The following TNS3 variants were observed in gnomAD, a reference collection of about 807,000 sequenced individuals.
TNS3 encodes the protein tensin 3.
A neutral mutation model predicts 140.9 loss-of-function variants in TNS3; 45 were observed. The ratio of observed to expected loss-of-function variants is 0.32; its 90% CI spans 0.25 to 0.41. The LOEUF is 0.41. Among genes scored for constraint, TNS3 ranks in the 10% least tolerant of loss-of-function variants. The probability of loss-of-function intolerance (pLI) is 1.00; values close to 1 mark genes in which losing one functional copy is unlikely to be tolerated. For synonymous variants in TNS3, 815 were observed against 788.4 expected (o/e 1.03, Z -0.56); for missense variants, 1,716 against 1,906.7 (o/e 0.90, Z 1.86).
At chr7:47,387,987 G>C (rs952107983) in intron 16 of TNS3, among the ~76,000 whole-genome samples, 1 of 152,214 alleles carries the variant, frequency 6.6e-6, no homozygotes, top group Admixed American at 6.5e-5. Context: ...GGCTCTTATA[G>C]ACAGGCACAA....
At chr7:47,413,835 C>A in intron 12 of TNS3, 102 bp downstream of exon 12, 1 of 1,430,936 alleles carries the variant, frequency 7.0e-7, no homozygotes. Flanking sequence ...CTGACCTGAA[C>A]CCTCCCACAC....
chr7:47,474,754 A>C (rs1797114682), intron 4 of TNS3, among the ~76,000 whole-genome samples: 1 of 149,924 alleles, frequency 6.7e-6, no homozygotes, highest in Admixed American at 6.6e-5. Context: ...CACAACACAC[A>C]ACACACAAAG....
At chr7:47,288,062 C>G (rs1785509344) in intron 27 of TNS3, among the ~76,000 whole-genome samples, 1 of 152,176 alleles carries the variant, frequency 6.6e-6, no homozygotes, top group Non-Finnish European at 1.5e-5. Flanking sequence ...TTTATTAATT[C>G]CACACTTACT....
At chr7:47,376,955 C>A (rs998716569) in intron 16 of TNS3, among the ~76,000 whole-genome samples, 3 of 152,168 alleles carry the variant, frequency 2.0e-5, no homozygotes, top group Admixed American at 6.5e-5. Context: ...CTGTTCCTAG[C>A]ATGGAGTCTT....
At position 47,444,225 on chromosome 7, in the gene TNS3, A is replaced by C. The variant is rs549306827; in HGVS notation, c.-75-2170T>G. Among the ~76,000 whole-genome samples, 6 of 152,340 alleles carry C rather than the reference A, an allele frequency of 3.9e-5. No homozygotes were observed. The East Asian group carries it at 9.6e-4, about 24-fold the overall frequency. Reference sequence around the variant, plus strand: ...GATCGACCATGGTCCTGGGTCTTACATGAACCCACCAGGATCTGACTATAT... The same window carrying C: ...GATCGACCATGGTCCTGGGTCTTACCTGAACCCACCAGGATCTGACTATAT... On this transcript the variant is annotated intron_variant, in intron 4 of 30. Transcript: ENST00000311160.
At chr7:47,319,258 T>C (rs10260301) in intron 20 of TNS3, among the ~76,000 whole-genome samples, 4 of 152,142 alleles carry the variant, frequency 2.6e-5, no homozygotes, top group African/African-American at 7.2e-5. Context: ...GAAGCTTCCA[T>C]TGATGTGCAC....
chr7:47,461,449 C>T (rs971408253), intron 4 of TNS3, among the ~76,000 whole-genome samples: 3 of 152,128 alleles, frequency 2.0e-5, no homozygotes, highest in African/African-American at 7.2e-5. Context: ...GTCCCCGCTC[C>T]CACTGAGGGG....
At chr7:47,401,769 C>G (rs1793180154) in intron 13 of TNS3, among the ~76,000 whole-genome samples, 1 of 152,252 alleles carries the variant, frequency 6.6e-6, no homozygotes, top group African/African-American at 2.4e-5. Context: ...CAGGCCACAG[C>G]TGGGGGAGCT....
intron 4 of TNS3, among the ~76,000 whole-genome samples, chr7:47,455,675 A>G (rs1289022682): frequency 6.6e-6 from 1 of 152,224 alleles, no homozygotes; most frequent in African/African-American, 2.4e-5. Flanking sequence ...TACACATTTA[A>G]GACCCCATAA....
chr7:47,302,083 C>A (rs1262175360), intron 23 of TNS3, 103 bp downstream of exon 23: 6 of 913,506 alleles, frequency 6.6e-6, no homozygotes, highest in Middle Eastern at 4.3e-4. Context: ...CATATGAAGG[C>A]CACGGCTGCC....
intron 20 of TNS3, 107 bp downstream of exon 20, chr7:47,344,648 C>T: frequency 9.5e-7 from 1 of 1,047,582 alleles, no homozygotes; most frequent in South Asian, 1.5e-5. Context: ...TGAGATACGA[C>T]ACAAATGGAA....
intron 4 of TNS3, among the ~76,000 whole-genome samples, chr7:47,478,219 A>ACCGAT (rs2151773029): frequency 1.3e-5 from 2 of 152,264 alleles, no homozygotes; most frequent in East Asian, 3.9e-4. Context: ...TTGTTAAAGC[A>ACCGAT]CCGATCGCAG....
chr7:47,518,682 A>T (rs949564004), intron 2 of TNS3, among the ~76,000 whole-genome samples: 5 of 152,172 alleles, frequency 3.3e-5, no homozygotes, highest in Non-Finnish European at 7.3e-5. Context: ...AATATAAATA[A>T]ATAAGTAAAT....
At chr7:47,474,822 A>C (rs1797120533) in intron 4 of TNS3, among the ~76,000 whole-genome samples, 1 of 145,916 alleles carries the variant, frequency 6.9e-6, no homozygotes, top group African/African-American at 2.6e-5. Context: ...CCTCACACAC[A>C]ACACACACGA....
In TNS3 at chr7:47,419,244, T is replaced by A. The variant is rs549482985; in HGVS notation, c.474-4038A>T. Among the ~76,000 whole-genome samples, 5 of 152,208 alleles carry A rather than the reference T, an allele frequency of 3.3e-5. No individual in the cohort carries two copies. The East Asian group carries it at 9.6e-4, about 29-fold the overall frequency. ...AGTGTAGGTGGCTTTGCCCACAGAG[T>A]TGGAGGCTCAGAGGGGATGTCCAGG... is the stretch of plus-strand genomic sequence containing the variant. On this transcript the variant is annotated intron_variant, in intron 10 of 30. Transcript: ENST00000311160.
At chr7:47,404,967 C>T (rs2151374583) in intron 13 of TNS3, among the ~76,000 whole-genome samples, 1 of 152,308 alleles carries the variant, frequency 6.6e-6, no homozygotes, top group East Asian at 1.9e-4. Flanking sequence ...AGGAACGGAG[C>T]CCTGCCTTGA....
intron 18 of TNS3, among the ~76,000 whole-genome samples, chr7:47,345,844 G>A (rs1424331616): frequency 6.6e-6 from 1 of 152,176 alleles, no homozygotes; most frequent in East Asian, 1.9e-4. Flanking sequence ...GCCCTACCTC[G>A]AACCCACACA....
chr7:47,410,995 T>G (rs1274415901), intron 13 of TNS3, among the ~76,000 whole-genome samples: 1 of 152,230 alleles, frequency 6.6e-6, no homozygotes, highest in Non-Finnish European at 1.5e-5. Context: ...GTTTTGATCA[T>G]TAATCAAGCT....
chr7:47,322,555 C>CAA (rs34032038), intron 20 of TNS3, among the ~76,000 whole-genome samples: 12 of 151,758 alleles, frequency 7.9e-5, no homozygotes, highest in Middle Eastern at 3.4e-3. Context: ...CACACACACA[C>CAA]AATCAAAAAA....
Sources: allele counts gnomAD v4.1 joint callset (sites outside exome capture counted in the v4.1 genomes callset), GRCh38; gene constraint gnomAD v4.1.1; transcripts MANE v1.5; gene names NCBI Gene and HGNC (gene_info 2026-07-23, HGNC 2026-07-21).